The following C5AR1 variants were observed in gnomAD, a reference collection of about 807,000 sequenced individuals.
C5AR1 encodes complement C5a receptor 1.
Under a neutral mutation model 2.4 loss-of-function variants are expected in C5AR1, and 4 were observed. The observed-to-expected ratio is 1.65, with a 90% CI of 0.81 to 3.77. The LOEUF is 3.77. Among genes scored for constraint, C5AR1 ranks in the 30% most tolerant of loss-of-function variants. The pLI, the probability that C5AR1 is intolerant of heterozygous loss-of-function variation, is 0.01. For synonymous variants in C5AR1, 209 were observed against 210.4 expected (o/e 0.99, Z 0.06); for missense variants, 418 against 462.5 (o/e 0.90, Z 0.88).
intron 1 of C5AR1, among the ~76,000 whole-genome samples, chr19:47,313,186 C>G (rs1257621993): frequency 6.6e-6 from 1 of 151,970 alleles, no homozygotes; most frequent in East Asian, 2.0e-4. Flanking sequence ...CCATGTTGGC[C>G]AGGCTGGTCT....
intron 1 of C5AR1, among the ~76,000 whole-genome samples, chr19:47,318,380 A>G (rs1406629671): frequency 6.8e-6 from 1 of 147,084 alleles, no homozygotes; most frequent in Non-Finnish European, 1.5e-5. Flanking sequence ...TGCAACTTCC[A>G]CCTCCCAGGT....
chr19:47,316,847 A>G (rs1307703476), intron 1 of C5AR1, among the ~76,000 whole-genome samples: 3 of 151,748 alleles, frequency 2.0e-5, no homozygotes, highest in Non-Finnish European at 4.4e-5. Context: ...AGCCTGGCTA[A>G]CCTTGGGCAG....
intron 1 of C5AR1, among the ~76,000 whole-genome samples, chr19:47,310,460 T>A (rs1182700974): frequency 6.6e-6 from 1 of 152,060 alleles, no homozygotes; most frequent in Non-Finnish European, 1.5e-5. Context: ...TTTGGAGGAA[T>A]GGTCAAGTTA....
intron 1 of C5AR1, among the ~76,000 whole-genome samples, chr19:47,313,009 C>G (rs1383877372): frequency 6.6e-6 from 1 of 152,188 alleles, no homozygotes; most frequent in African/African-American, 2.4e-5. Flanking sequence ...GAGTCTCGCT[C>G]TGTCACCCAG....
intron 1 of C5AR1, among the ~76,000 whole-genome samples, chr19:47,316,028 C>A (rs1176055191): frequency 6.7e-6 from 1 of 148,224 alleles, no homozygotes; most frequent in East Asian, 2.0e-4. Context: ...TTTTTTTAGA[C>A]AGAGTCTTGT....
upstream of C5AR1, among the ~76,000 whole-genome samples, chr19:47,309,638 G>A (rs944923958): frequency 1.3e-5 from 2 of 151,890 alleles, no homozygotes; most frequent in Non-Finnish European, 2.9e-5. Context: ...GGCCAGGAGA[G>A]GGGCCGAGCC....
At chr19:47,317,705 G>A (rs563915280) in intron 1 of C5AR1, among the ~76,000 whole-genome samples, 289 of 151,818 alleles carry the variant, frequency 1.9e-3, no homozygotes, top group Admixed American at 6.4e-3. Flanking sequence ...AAACCAGGCC[G>A]GGTGTGGTGG....
intron 1 of C5AR1, among the ~76,000 whole-genome samples, chr19:47,314,324 C>T (rs529285723): frequency 9.2e-5 from 14 of 152,230 alleles, no homozygotes; most frequent in Non-Finnish European, 1.9e-4. Context: ...TGGACCTGCA[C>T]TGCCCAATAT....
chr19:47,310,316 G>C (rs1343981749), intron 1 of C5AR1, among the ~76,000 whole-genome samples: 1 of 152,102 alleles, frequency 6.6e-6, no homozygotes, highest in African/African-American at 2.4e-5. Flanking sequence ...TTCAAGACCA[G>C]CCTGGCCAAC....
chr19:47,317,897 C>T (rs2059295175), intron 1 of C5AR1, among the ~76,000 whole-genome samples: 1 of 151,220 alleles, frequency 6.6e-6, no homozygotes, highest in Admixed American at 6.6e-5. Context: ...AGGAGAATCG[C>T]TTGAACCTGG....
chr19:47,308,986 A>G (rs2059261939), upstream of C5AR1, among the ~76,000 whole-genome samples: 1 of 151,522 alleles, frequency 6.6e-6, no homozygotes, highest in South Asian at 2.1e-4. Flanking sequence ...TGTTGGCCAG[A>G]CTCGTCTTGA....
At chr19:47,315,436 C>G (rs79471478) in intron 1 of C5AR1, among the ~76,000 whole-genome samples, 2 of 152,088 alleles carry the variant, frequency 1.3e-5, no homozygotes, top group African/African-American at 4.8e-5. Flanking sequence ...AGGAACGGAG[C>G]TTTGTCAGCT....
intron 1 of C5AR1, among the ~76,000 whole-genome samples, chr19:47,311,706 A>C (rs926415254): frequency 2.0e-5 from 3 of 152,098 alleles, no homozygotes; most frequent in African/African-American, 7.2e-5. Flanking sequence ...GTGGGATTAC[A>C]GGCATGCGCC....
At chr19:47,318,794 G>A (rs2059298091) in intron 1 of C5AR1, among the ~76,000 whole-genome samples, 1 of 151,722 alleles carries the variant, frequency 6.6e-6, no homozygotes, top group Non-Finnish European at 1.5e-5. Flanking sequence ...CAGTCCAGCT[G>A]CCATGGACTG....
rs200125783 is a variant in C5AR1, at chr19:47,320,817, C to T, written c.1040C>T (p.Thr347Ile). ...RSTVDTMAQK[T>I]QAV is the part of the protein sequence containing the mutation. ...ACAGTGGACACTATGGCCCAGAAGA[C>T]CCAGGCAGTGTAGGCGACAGCCTCA... Residue 347 changes from threonine (T) to isoleucine (I), a missense_variant, in exon 2 of 2, where the codon ACC becomes ATC. Thr to Ile is a moderately conservative substitution (Grantham distance 89). Coordinates refer to ENST00000355085, the MANE Select transcript of C5AR1 (RefSeq NM_001736.4). This position sits in a 1 kb window ranked among gnomAD's most constrained non-coding sequence, Gnocchi z 4.9. 1 of 1,609,828 alleles carries T rather than the reference C, an allele frequency of 6.2e-7. No individual in the cohort carries two copies. The highest frequency in any genetic ancestry group is 1.1e-5 in the South Asian group (1 of 90,980).
chr19:47,314,522 C>G (rs1214345656), intron 1 of C5AR1, among the ~76,000 whole-genome samples: 1 of 150,840 alleles, frequency 6.6e-6, no homozygotes, highest in Non-Finnish European at 1.5e-5. Context: ...CTCAGCCTCC[C>G]AGATAGCTGG....
At chr19:47,308,536 CTTTTCTTTTCT>C (rs1309184376), upstream of C5AR1, among the ~76,000 whole-genome samples, 41 of 150,240 alleles carry the variant, frequency 2.7e-4, 1 homozygote, top group South Asian at 4.4e-3. Flanking sequence ...TGATTTTTTT[CTTTTCTTTTCT>C]TTTTCTTTTC....
In C5AR1 at chr19:47,320,624, T is replaced by G; in HGVS notation, c.847T>G (p.Ser283Ala). 6.2e-7 allele frequency: 1 copy of G among 1,614,084 alleles called. No homozygotes were observed. Among genetic ancestry groups the G allele is most frequent in the African/African-American group, 1.3e-5 (1 of 75,034 alleles). The change falls in exon 2 of 2, where the codon TCC becomes GCC. Residue 283 changes from serine to alanine, a missense_variant. By Grantham distance (99) the Ser-to-Ala change is moderately conservative. Transcript: ENST00000355085. This position sits in a 1 kb window ranked among gnomAD's most constrained non-coding sequence, Gnocchi z 4.9. ...PTFLLLKKLD[S>A]LCVSFAYINC... ...CTTCCTGCTGCTGAAGAAGCTGGAC[T>G]CCCTGTGTGTCTCCTTTGCCTACAT...
chr19:47,309,683 C>A (rs2059263965), upstream of C5AR1, among the ~76,000 whole-genome samples: 1 of 151,960 alleles, frequency 6.6e-6, no homozygotes, highest in Non-Finnish European at 1.5e-5. Context: ...CGAGCGCCGG[C>A]CCCCCTTCTC....
Sources: allele counts gnomAD v4.1 joint callset (sites outside exome capture counted in the v4.1 genomes callset), GRCh38; gene constraint gnomAD v4.1.1; non-coding constraint Gnocchi (gnomAD v3.1); transcripts MANE v1.5; gene names NCBI Gene and HGNC (gene_info 2026-07-23, HGNC 2026-07-21).